Variants in ABCG2 observed in about 807,000 individuals in gnomAD.
ABCG2 encodes broad substrate specificity ATP-binding cassette transporter ABCG2.
A neutral mutation model predicts 73.5 loss-of-function variants in ABCG2; 80 were observed. The ratio of observed to expected loss-of-function variants is 1.09; its 90% CI spans 0.91 to 1.31. The LOEUF (loss-of-function observed/expected upper bound fraction) is 1.31. ABCG2 is among the 50% of genes most tolerant of loss of function. ABCG2 has a pLI of 0.00. For synonymous variants in ABCG2, 269 were observed against 282.4 expected (o/e 0.95, Z 0.48); for missense variants, 796 against 786.2 (o/e 1.01, Z -0.15).
chr4:88,103,916 C>T (rs769243610), intron 10 of ABCG2, among the ~76,000 whole-genome samples: 4 of 152,270 alleles, frequency 2.6e-5, no homozygotes, highest in Non-Finnish European at 5.9e-5. Flanking sequence ...TTTGTTTTTC[C>T]ACTGTGTATA....
intron 10 of ABCG2, among the ~76,000 whole-genome samples, chr4:88,102,306 G>T (rs974735114): frequency 1.3e-5 from 2 of 152,162 alleles, no homozygotes; most frequent in African/African-American, 4.8e-5. Context: ...GATTTAAAAA[G>T]GAAAATGTTG....
intron 7 of ABCG2, among the ~76,000 whole-genome samples, chr4:88,116,040 C>G (rs563468265): frequency 1.3e-5 from 2 of 152,216 alleles, no homozygotes; most frequent in South Asian, 4.2e-4. Flanking sequence ...ACTAAAAACA[C>G]AAAAATTAGC....
intron 6 of ABCG2, among the ~76,000 whole-genome samples, chr4:88,120,324 G>C (rs1324419054): frequency 6.6e-6 from 1 of 152,188 alleles, no homozygotes; most frequent in South Asian, 2.1e-4. Flanking sequence ...CTGAGGCACT[G>C]CTTAGTGCAG....
chr4:88,185,183 T>C (rs909929493), intron 1 of ABCG2, among the ~76,000 whole-genome samples: 1 of 152,080 alleles, frequency 6.6e-6, no homozygotes, highest in Non-Finnish European at 1.5e-5. Flanking sequence ...GCCAACATGA[T>C]GAAACCCTAT....
intron 7 of ABCG2, among the ~76,000 whole-genome samples, chr4:88,115,337 G>C (rs1479694012): frequency 6.8e-6 from 1 of 146,024 alleles, no homozygotes; most frequent in Non-Finnish European, 1.5e-5. Flanking sequence ...AGGCTGGAAT[G>C]TGGTGGGGCA....
At chr4:88,165,355 G>C (rs62310615) in intron 1 of ABCG2, among the ~76,000 whole-genome samples, 3 of 152,220 alleles carry the variant, frequency 2.0e-5, no homozygotes, top group Non-Finnish European at 4.4e-5. Flanking sequence ...AATGTCAGCA[G>C]GTCTGTGTTC....
intron 1 of ABCG2, chr4:88,223,872 AT>A (rs3061244): frequency 0.21 from 31,555 of 148,082 alleles, 3,790 homozygotes; most frequent in Non-Finnish European, 0.29. Flanking sequence ...CCAGAAAGGC[AT>A]TTTTTTTTTT....
intron 1 of ABCG2, among the ~76,000 whole-genome samples, chr4:88,186,873 C>G (rs1322128805): frequency 5.1e-5 from 7 of 138,452 alleles, no homozygotes; most frequent in Non-Finnish European, 7.6e-5. Flanking sequence ...GAGCCGAGAT[C>G]CCGCCACTGC....
chr4:88,165,205 A>T (rs1251667702), intron 1 of ABCG2, among the ~76,000 whole-genome samples: 1 of 152,240 alleles, frequency 6.6e-6, no homozygotes, highest in Non-Finnish European at 1.5e-5. Flanking sequence ...TGGAAAAATG[A>T]TGAATATTTG....
At chr4:88,126,757 G>A (rs1311991088) in intron 5 of ABCG2, among the ~76,000 whole-genome samples, 1 of 152,108 alleles carries the variant, frequency 6.6e-6, no homozygotes, top group Admixed American at 6.5e-5. Flanking sequence ...CAATAAACTA[G>A]GTATTGATGG....
In ABCG2 at chr4:88,091,987, A is replaced by C. The variant is rs1327099993; in HGVS notation, c.*247T>G. The C allele has an allele frequency of 2.9e-6, 1 of 340,072 alleles. No homozygotes were observed. The highest frequency in any genetic ancestry group is 5.3e-6 in the Non-Finnish European group (1 of 188,068). The allele number at this position is 340,072 out of a possible 1,614,324, so 21.1% of individuals were successfully genotyped here. A position where few individuals can be genotyped will look rare whatever the true frequency, so the allele number is the denominator to read the frequency against. On this transcript the variant is annotated 3_prime_UTR_variant, in exon 16 of 16. Coordinates refer to ENST00000237612, the MANE Select transcript of ABCG2 (RefSeq NM_004827.3). ...CTCCTTTTTTAGATTAATAAATTAG[A>C]CCAGATTTCTTCCCCATGGTTACTG...
At chr4:88,106,650 A>C (rs1177827591) in intron 10 of ABCG2, among the ~76,000 whole-genome samples, 1 of 152,228 alleles carries the variant, frequency 6.6e-6, no homozygotes. Flanking sequence ...ATGGGTACAG[A>C]TATTCCACTT....
At chr4:88,095,491 A>T in intron 14 of ABCG2, 29 bp downstream of exon 14, 1 of 1,572,020 alleles carries the variant, frequency 6.4e-7, no homozygotes, top group Non-Finnish European at 8.8e-7. Context: ...TTGGGAATGC[A>T]GTCACAGTGA....
At chr4:88,120,677 T>C (rs922379342) in intron 6 of ABCG2, among the ~76,000 whole-genome samples, 3 of 152,214 alleles carry the variant, frequency 2.0e-5, no homozygotes, top group Admixed American at 2.0e-4. Flanking sequence ...CCAATGCCTG[T>C]ACTCCTATTG....
intron 5 of ABCG2, among the ~76,000 whole-genome samples, chr4:88,127,553 T>C (rs1045023154): frequency 2.6e-5 from 4 of 152,154 alleles, no homozygotes; most frequent in Admixed American, 6.5e-5. Flanking sequence ...CAAAACAGCA[T>C]GGTACTGGTA....
intron 11 of ABCG2, among the ~76,000 whole-genome samples, chr4:88,100,479 G>A (rs945413076): frequency 1.3e-5 from 2 of 151,324 alleles, no homozygotes; most frequent in African/African-American, 4.9e-5. Flanking sequence ...CTCCAGCCTG[G>A]GAGACAGAGC....
chr4:88,166,716 G>C (rs1293763054), intron 1 of ABCG2, among the ~76,000 whole-genome samples: 1 of 152,166 alleles, frequency 6.6e-6, no homozygotes, highest in Admixed American at 6.5e-5. Context: ...ATAAATTCTA[G>C]GGTACAGTTT....
At chr4:88,141,073 T>C (rs899556161) in intron 1 of ABCG2, among the ~76,000 whole-genome samples, 4 of 152,308 alleles carry the variant, frequency 2.6e-5, no homozygotes, top group Admixed American at 2.6e-4. Flanking sequence ...CTTCAATAAA[T>C]GTAGTTTTAA....
Position 88,166,367 on chromosome 4 carries a change from T to C in ABCG2, c.-19-26353A>G, listed in dbSNP as rs534676508. ...TCTTTCCACAAAAGTATATTTGCTT[T>C]CCCATAGAACCCTTTCTCTCCTCCT... On this transcript the variant is annotated intron_variant, in intron 1 of 15. Transcript: ENST00000515655. Among the ~76,000 whole-genome samples, 88 of 152,290 alleles carry C rather than the reference T, an allele frequency of 5.8e-4. 1 individual carries two copies. The South Asian group carries it at 0.018, about 31-fold the overall frequency.
Sources: allele counts gnomAD v4.1 joint callset (sites outside exome capture counted in the v4.1 genomes callset), GRCh38; gene constraint gnomAD v4.1.1; transcripts MANE v1.5; gene names NCBI Gene and HGNC (gene_info 2026-07-23, HGNC 2026-07-21).